Variants in GNRHR observed in about 807,000 individuals in gnomAD.
The protein encoded by GNRHR is gonadotropin-releasing hormone receptor.
Under a neutral mutation model 28.1 loss-of-function variants are expected in GNRHR, and 14 were observed. That is an observed-to-expected ratio of 0.50 (90% CI 0.33 to 0.78). The LOEUF (loss-of-function observed/expected upper bound fraction) is 0.78, where lower values mean the gene tolerates loss of function less well. Among genes scored for constraint, GNRHR ranks in the 30% least tolerant of loss-of-function variants. GNRHR has a pLI of 0.02. For missense variants in GNRHR, 366 were observed against 382.1 expected, an observed-to-expected ratio of 0.96 and a Z score of 0.35; for synonymous variants, 141 against 140.5, an observed-to-expected ratio of 1.00 and a Z score of -0.02.
In GNRHR at chr4:67,740,863, T is replaced by C; in HGVS notation, c.743-139A>G. 3 of 681,860 alleles carry C rather than the reference T, an allele frequency of 4.4e-6. No homozygotes were observed. In the South Asian group the frequency reaches 5.2e-5, roughly 12 times the overall value. 42.2% of individuals were successfully genotyped at this position (681,860 alleles called of 1,614,324 possible). ...CATTATTTTAAATAATAATAATTTG[T>C]TTGAAAAGCATGTTTTAATAAGAGT... On this transcript the variant is annotated intron_variant, in intron 2 of 2. Coordinates refer to ENST00000226413, the MANE Select transcript of GNRHR (RefSeq NM_000406.3).
Position 67,737,158 on chromosome 4 carries a change from A to G in GNRHR, c.*3322T>C, listed in dbSNP as rs1731562472. ...TTTATTATGTTTTCTCTTAATACACATGCAATATGAGTTCATTTTGGGAAT... is the reference window on the plus strand; with the variant it reads ...TTTATTATGTTTTCTCTTAATACACGTGCAATATGAGTTCATTTTGGGAAT... On this transcript the variant is annotated 3_prime_UTR_variant, in exon 3 of 3. Transcript: ENST00000226413. Among the ~76,000 whole-genome samples, 2 of 152,062 alleles carry G rather than the reference A, an allele frequency of 1.3e-5. No homozygotes were observed. Among genetic ancestry groups the G allele is most frequent in the Admixed American group, 1.3e-4 (2 of 15,250 alleles).
chr4:67,748,578 T>G (rs1349364836), intron 1 of GNRHR, among the ~76,000 whole-genome samples: 1 of 152,032 alleles, frequency 6.6e-6, no homozygotes, highest in East Asian at 1.9e-4. Context: ...TAGACAATAT[T>G]GCAGTGTTCA....
intron 2 of GNRHR, among the ~76,000 whole-genome samples, chr4:67,742,625 G>A (rs1021081505): frequency 6.6e-6 from 1 of 152,150 alleles, no homozygotes; most frequent in African/African-American, 2.4e-5. Context: ...AGGTAAAAAG[G>A]TGCAATTTTG....
In GNRHR at chr4:67,749,702, CCTT is replaced by C. The variant is rs1310671851; in HGVS notation, c.522+4109_522+4111del. 2.1e-5 allele frequency among the ~76,000 whole-genome samples: 3 copies of C among 145,092 alleles called. No individual in the cohort carries two copies. The Admixed American group carries it at 2.2e-4, about 10-fold the overall frequency. ...CCCTGCCTCCTTTCCTTCGTTCCTT[CCTT>C]CTTTCCTTCCTTCCTTCCTTCCGTC... is the stretch of plus-strand genomic sequence containing the variant. On this transcript the variant is annotated intron_variant, in intron 1 of 2. Transcript: ENST00000226413.
At chr4:67,744,478 A>G in intron 2 of GNRHR, 90 bp downstream of exon 2, 3 of 780,226 alleles carry the variant, frequency 3.8e-6, no homozygotes, top group Non-Finnish European at 7.0e-6. Context: ...TGCTTAGAAC[A>G]GTATCTGTCA....
intron 1 of GNRHR, among the ~76,000 whole-genome samples, chr4:67,746,588 G>A (rs188813493): frequency 2.6e-4 from 40 of 151,962 alleles, no homozygotes; most frequent in Middle Eastern, 3.4e-3. Context: ...TCAAACAAAA[G>A]TGTTACAATA....
rs754062723 is a variant in GNRHR at position 67,754,150 on chromosome 4, C to A, written c.186G>T (p.Lys62Asn). 6 of 1,613,916 alleles carry A rather than the reference C, an allele frequency of 3.7e-6. No individual in the cohort carries two copies. The South Asian group carries it at 6.6e-5, about 18-fold the overall frequency. Reference protein sequence around the residue: ...FNASFLLKLQKWTQKKEKGKK... With the variant: ...FNASFLLKLQNWTQKKEKGKK... ...TCCCTTTCTCTTTCTTCTGTGTCCA[C>A]TTCTGAAGTTTCAACAAGAAAGAAG... Residue 62 changes from lysine (K) to asparagine (N), a missense_variant, in exon 1 of 3, where the codon AAG (lysine) becomes AAT (asparagine). Lys to Asn is a moderately conservative substitution (Grantham distance 94). Coordinates refer to ENST00000226413, the MANE Select transcript of GNRHR (RefSeq NM_000406.3).
In GNRHR at chr4:67,752,808, TG is replaced by T. The variant is rs35826201; in HGVS notation, c.522+1005del. ...TGAGTTCTGCATGGCAGTTTTTTTTTGTTGTTGTTGTTTTTTAACCATCTGG... is the reference window on the plus strand; with the variant it reads ...TGAGTTCTGCATGGCAGTTTTTTTTTTTGTTGTTGTTTTTTAACCATCTGG... On this transcript the variant is annotated intron_variant, in intron 1 of 2. Coordinates refer to ENST00000226413, the MANE Select transcript of GNRHR (RefSeq NM_000406.3). Among the ~76,000 whole-genome samples, 206 of 42,816 alleles carry T rather than the reference TG, an allele frequency of 4.8e-3. No homozygotes were observed. In the Middle Eastern group the frequency reaches 0.074, roughly 15 times the overall value. The allele number at this position is 42,816 out of a possible 152,430, so 28.1% of individuals were successfully genotyped here.
rs748067099 is a variant in GNRHR, at chr4:67,754,285, G to T, written c.51C>A (p.Ile17=). The T allele has an allele frequency of 8.1e-6, 13 of 1,613,028 alleles. No homozygotes were observed. The Admixed American group carries it at 2.2e-4, about 27-fold the overall frequency. ...PEQNQNHCSA[I]NNSIPLMQGN... ...CCTGCATCAGTGGGATGCTGTTGTT[G>T]ATGGCTGAACAGTGATTTTGATTCT... Residue 17 remains isoleucine, a synonymous_variant, in exon 1 of 3, where the codon ATC becomes ATA. Coordinates refer to ENST00000226413, the MANE Select transcript of GNRHR (RefSeq NM_000406.3).
rs754935718 is a variant in GNRHR, at chr4:67,753,799, T to C, written c.522+15A>G. Reference sequence around the variant, plus strand: ...TGATCACCATATCCAAATAAGTTTGTGTATAATGGCTTACCTGTGGTCCTG... The same window carrying C: ...TGATCACCATATCCAAATAAGTTTGCGTATAATGGCTTACCTGTGGTCCTG... On this transcript the variant is annotated intron_variant, in intron 1 of 2. Coordinates refer to ENST00000226413, the MANE Select transcript of GNRHR (RefSeq NM_000406.3). The C allele has an allele frequency of 3.7e-6, 6 of 1,601,076 alleles. No individual in the cohort carries two copies. In the East Asian group the frequency reaches 1.3e-4, roughly 36 times the overall value.
intron 1 of GNRHR, among the ~76,000 whole-genome samples, chr4:67,747,042 A>G (rs1287027328): frequency 6.6e-6 from 1 of 152,152 alleles, no homozygotes; most frequent in East Asian, 1.9e-4. Context: ...CCTTATTTAA[A>G]GTTCAGCTTT....
rs118097679 is a variant in GNRHR at position 67,748,841 on chromosome 4, C to T, written c.523-4054G>A. The stretch of plus-strand genomic sequence containing the variant: ...ATATACTGATATACTGAGATTTCCA[C>T]TTAGTAAACAGTAATTTTGGGCATG... On this transcript the variant is annotated intron_variant, in intron 1 of 2. Transcript: ENST00000226413. 6.4e-4 allele frequency among the ~76,000 whole-genome samples: 97 copies of T among 151,520 alleles called. No homozygotes were observed. The East Asian group carries it at 0.017, about 26-fold the overall frequency.
rs1166596839 is a variant in GNRHR, at chr4:67,739,267, T to C, written c.*1213A>G. 6.6e-6 allele frequency: 1 copy of C among 152,020 alleles called. No homozygotes were observed. The highest frequency in any genetic ancestry group is 1.5e-5 in the Non-Finnish European group (1 of 67,904). The allele number at this position is 152,020 out of a possible 1,614,324, so 9.4% of individuals were successfully genotyped here. A position where few individuals can be genotyped will look rare whatever the true frequency, so the allele number is the denominator to read the frequency against. On this transcript the variant is annotated 3_prime_UTR_variant, in exon 3 of 3. Coordinates refer to ENST00000226413, the MANE Select transcript of GNRHR (RefSeq NM_000406.3). Reference sequence around the variant, plus strand: ...GACATATTTTGGAAACCATACTATTTAATGTGAATATCAGTAGGTGTTAGT... The same window carrying C: ...GACATATTTTGGAAACCATACTATTCAATGTGAATATCAGTAGGTGTTAGT...
chr4:67,744,664 A>G lies in GNRHR; in HGVS notation c.646T>C (p.Phe216Leu). The G allele has an allele frequency of 1.9e-6, 3 of 1,612,854 alleles. No individual in the cohort carries two copies. Among genetic ancestry groups the G allele is most frequent in the Non-Finnish European group, 2.5e-6 (3 of 1,178,802 alleles). ...WHQAFYNFFT[F>L]SCLFIIPLFI... ...AGAGGGATGATGAAGAGGCAGCTGA[A>G]GGTGAAAAAGTTATAAAATGCTTGA... Residue 216 changes from phenylalanine to leucine, a missense_variant, in exon 2 of 3, where the codon TTC becomes CTC. Transcript: ENST00000226413.
At chr4:67,745,375 C>A (rs1251820475) in intron 1 of GNRHR, among the ~76,000 whole-genome samples, 3 of 150,886 alleles carry the variant, frequency 2.0e-5, no homozygotes, top group Non-Finnish European at 4.4e-5. Flanking sequence ...CATTAAAATA[C>A]AAAAAAGAAA....
chr4:67,740,715 A>C lies in GNRHR; in HGVS notation c.752T>G (p.Leu251Arg), dbSNP rs747785100. Residue 251 changes from leucine (L) to arginine (R), a missense_variant, in exon 3 of 3, where the codon CTG becomes CGG. Coordinates refer to ENST00000226413, the MANE Select transcript of GNRHR (RefSeq NM_000406.3). ...TGGTATATTGTTCTTGGACTGATTC[A>C]GTTGTAGTTCTGTTGGATAGAGAAA... ...VLHQDPHELQLNQSKNNIPRA... is the reference protein window; with the variant it reads ...VLHQDPHELQRNQSKNNIPRA... 1.9e-6 allele frequency: 3 copies of C among 1,610,218 alleles called. No homozygotes were observed. In the South Asian group the frequency reaches 3.3e-5, roughly 18 times the overall value.
chr4:67,743,710 A>G (rs1731704303), intron 2 of GNRHR, among the ~76,000 whole-genome samples: 1 of 152,132 alleles, frequency 6.6e-6, no homozygotes, highest in Non-Finnish European at 1.5e-5. Context: ...CCCTTCTTAG[A>G]TATCGCTTAT....
intron 2 of GNRHR, 121 bp from the exon 3 acceptor site, chr4:67,740,845 TTAAA>T: frequency 1.4e-6 from 1 of 730,760 alleles, no homozygotes; most frequent in Non-Finnish European, 2.4e-6. Context: ...TTCCATTATT[TTAAA>T]TAATAATAAT....
chr4:67,745,316 G>A (rs532649689), intron 1 of GNRHR, among the ~76,000 whole-genome samples: 91 of 151,678 alleles, frequency 6.0e-4, no homozygotes, highest in South Asian at 1.0e-3. Context: ...AAACAACCCA[G>A]GAACCAGCTG....
Sources: allele counts gnomAD v4.1 joint callset (sites outside exome capture counted in the v4.1 genomes callset), GRCh38; gene constraint gnomAD v4.1.1; transcripts MANE v1.5; gene names NCBI Gene and HGNC (gene_info 2026-07-23, HGNC 2026-07-21).